Variants in ATG7 observed in about 807,000 individuals in gnomAD.
The protein encoded by ATG7 is ubiquitin-like modifier-activating enzyme ATG7.
Under a neutral mutation model 82.4 loss-of-function variants are expected in ATG7, and 70 were observed. The ratio of observed to expected loss-of-function variants is 0.85; its 90% CI spans 0.70 to 1.04. ATG7 has a LOEUF of 1.04. ATG7 is among the 50% of genes least tolerant of loss of function. The pLI, the probability that ATG7 is intolerant of heterozygous loss-of-function variation, is 0.00. For synonymous variants in ATG7, 287 were observed against 313.0 expected, an observed-to-expected ratio of 0.92 and a Z score of 0.88; for missense variants, 792 against 864.3, an observed-to-expected ratio of 0.92 and a Z score of 1.05.
At position 11,367,986 on chromosome 3, in the gene ATG7, T is replaced by C. The variant is rs543773370; in HGVS notation, c.1875+3252T>C. On this transcript the variant is annotated intron_variant, in intron 18 of 20. Transcript: ENST00000693202. The stretch of plus-strand genomic sequence containing the variant: ...AGCACACAGATCAGAACAAAGTAAC[T>C]ATCAAGCACCTTCAATGCCCCCCTC... Among the ~76,000 whole-genome samples, 19 of 152,114 alleles carry C rather than the reference T, an allele frequency of 1.2e-4. No homozygotes were observed. The South Asian group carries it at 3.5e-3, about 28-fold the overall frequency.
chr3:11,493,348 C>G (rs560459331), intron 20 of ATG7, among the ~76,000 whole-genome samples: 98 of 152,258 alleles, frequency 6.4e-4, no homozygotes, highest in Non-Finnish European at 1.2e-3. Flanking sequence ...CCAGCTGAGC[C>G]TGGAGTCTTT....
intron 20 of ATG7, among the ~76,000 whole-genome samples, chr3:11,548,863 T>A (rs993735720): frequency 6.6e-6 from 1 of 152,190 alleles, no homozygotes; most frequent in Non-Finnish European, 1.5e-5. Context: ...TGGAGGTGTG[T>A]CTTCAGGACA....
At position 11,349,939 on chromosome 3, in the gene ATG7, T is replaced by C. The variant is rs537489935; in HGVS notation, c.1284+1904T>C. Among the ~76,000 whole-genome samples the C allele has an allele frequency of 3.9e-5, 6 of 152,358 alleles. No homozygotes were observed. The East Asian group carries it at 9.6e-4, about 24-fold the overall frequency. ...ATTTAAAATCTTGACAGTTTTCTTT[T>C]TTTAAGGTCAACCAGCAAATGATAT... On this transcript the variant is annotated intron_variant, in intron 14 of 20. Transcript: ENST00000693202.
At chr3:11,389,929 C>T (rs1046638057) in intron 19 of ATG7, among the ~76,000 whole-genome samples, 3 of 152,150 alleles carry the variant, frequency 2.0e-5, no homozygotes, top group Admixed American at 1.3e-4. Context: ...GTGTTATGTG[C>T]GAAGGCCTGG....
intron 19 of ATG7, among the ~76,000 whole-genome samples, chr3:11,404,091 G>A (rs1251404176): frequency 1.5e-5 from 2 of 135,980 alleles, no homozygotes; most frequent in African/African-American, 5.4e-5. Flanking sequence ...TAAACATTTT[G>A]ATTTTTATAA....
At chr3:11,516,868 A>G (rs1238801600) in intron 20 of ATG7, among the ~76,000 whole-genome samples, 1 of 152,144 alleles carries the variant, frequency 6.6e-6, no homozygotes, top group Non-Finnish European at 1.5e-5. Flanking sequence ...GGATCACTTG[A>G]GGTCAGGAAT....
intron 19 of ATG7, among the ~76,000 whole-genome samples, chr3:11,405,632 ATTTTTATTT>A (rs2080256799): frequency 6.6e-6 from 1 of 151,366 alleles, no homozygotes; most frequent in East Asian, 1.9e-4. Flanking sequence ...TTTTTTTATT[ATTTTTATTT>A]TTGAGACAGG....
At chr3:11,312,061 T>C (rs143989663) in intron 7 of ATG7, among the ~76,000 whole-genome samples, 211 of 151,850 alleles carry the variant, frequency 1.4e-3, no homozygotes, top group African/African-American at 4.8e-3. Context: ...AGATTTCTTT[T>C]TGGAGTGATG....
intron 16 of ATG7, among the ~76,000 whole-genome samples, chr3:11,362,336 T>C (rs1487262442): frequency 6.6e-6 from 1 of 152,160 alleles, no homozygotes; most frequent in South Asian, 2.1e-4. Flanking sequence ...GAGAGGCACA[T>C]AGGAACTGAG....
chr3:11,387,058 C>T (rs2078375423), intron 19 of ATG7, among the ~76,000 whole-genome samples: 1 of 152,216 alleles, frequency 6.6e-6, no homozygotes, highest in African/African-American at 2.4e-5. Flanking sequence ...TGGCCAAGTA[C>T]CAAGGCCTTT....
At chr3:11,528,891 G>A (rs2092640158) in intron 20 of ATG7, among the ~76,000 whole-genome samples, 1 of 151,270 alleles carries the variant, frequency 6.6e-6, no homozygotes, top group Non-Finnish European at 1.5e-5. Context: ...CAGGGACACA[G>A]CAGAAGATAA....
At chr3:11,458,383 C>CCT (rs2085959204) in intron 20 of ATG7, among the ~76,000 whole-genome samples, 3 of 152,094 alleles carry the variant, frequency 2.0e-5, no homozygotes, top group African/African-American at 7.2e-5. Context: ...CCTGCCTCAG[C>CCT]CTCCTGAGTA....
Position 11,332,534 on chromosome 3 carries a change from A to C in ATG7, c.768-438A>C, listed in dbSNP as rs1470757097. 5.9e-5 allele frequency among the ~76,000 whole-genome samples: 9 copies of C among 152,330 alleles called. No individual in the cohort carries two copies. In the East Asian group the frequency reaches 1.5e-3, roughly 26 times the overall value. On this transcript the variant is annotated intron_variant, in intron 10 of 20. Transcript: ENST00000693202. Reference sequence around the variant, plus strand: ...ACAATCTACAATTATCCAGGTGGTAAGTCTACACAGTGCAAATGGGCTTCC... The same window carrying C: ...ACAATCTACAATTATCCAGGTGGTACGTCTACACAGTGCAAATGGGCTTCC...
intron 20 of ATG7, among the ~76,000 whole-genome samples, chr3:11,518,657 T>C (rs1050993229): frequency 1.3e-5 from 2 of 152,170 alleles, no homozygotes; most frequent in Admixed American, 1.3e-4. Context: ...GAGATGGAGA[T>C]GGACATCTGG....
intron 20 of ATG7, among the ~76,000 whole-genome samples, chr3:11,502,181 A>T (rs1428074011): frequency 1.3e-5 from 2 of 151,972 alleles, no homozygotes; most frequent in East Asian, 3.8e-4. Context: ...TCCTGAAAAG[A>T]TGGACAAGAA....
Position 11,333,048 on chromosome 3 carries a change from A to G in ATG7, c.844A>G (p.Ser282Gly). Residue 282 changes from serine to glycine, a missense_variant, in exon 11 of 21, where the codon AGC becomes GGC. Ser to Gly is a moderately conservative substitution (Grantham distance 56, BLOSUM62 0). Transcript: ENST00000693202. ...TMQGARDVAH[S>G]IIFEVKLPEM... ...GCAGGGGGCGAGAGACGTTGCCCAC[A>G]GCATCATCTTCGAAGTGAAGCTTCC... 6.4e-7 allele frequency: 1 copy of G among 1,569,136 alleles called. No individual in the cohort carries two copies. Among genetic ancestry groups the G allele is most frequent in the Non-Finnish European group, 8.6e-7 (1 of 1,157,670 alleles).
intron 19 of ATG7, among the ~76,000 whole-genome samples, chr3:11,382,316 C>T (rs2077968564): frequency 6.6e-6 from 1 of 152,220 alleles, no homozygotes; most frequent in Non-Finnish European, 1.5e-5. Context: ...CGCACGCACG[C>T]GAGCGAGAGC....
At position 11,339,283 on chromosome 3, in the gene ATG7, G is replaced by A. The variant is rs1186473094; in HGVS notation, c.890-1362G>A. Among the ~76,000 whole-genome samples the A allele has an allele frequency of 4.7e-5, 6 of 127,576 alleles. No individual in the cohort carries two copies. The East Asian group carries it at 7.2e-4, about 15-fold the overall frequency. The allele number at this position is 127,576 out of a possible 152,430, so 83.7% of individuals were successfully genotyped here. A position where few individuals can be genotyped will look rare whatever the true frequency, so the allele number is the denominator to read the frequency against. ...TGCACTCCAGCCTGGGCGACAGAGCGAGACTCTGTTTCAAAAAAAAAAAAA... is the reference window on the plus strand; with the variant it reads ...TGCACTCCAGCCTGGGCGACAGAGCAAGACTCTGTTTCAAAAAAAAAAAAA... On this transcript the variant is annotated intron_variant, in intron 11 of 20. Transcript: ENST00000693202.
chr3:11,330,105 A>G (rs757447484), intron 9 of ATG7, among the ~76,000 whole-genome samples: 10 of 152,178 alleles, frequency 6.6e-5, no homozygotes, highest in Non-Finnish European at 1.2e-4. Context: ...TGAGTGAAGT[A>G]CCCTTATCAC....
Sources: gnomAD v4.1 joint callset for allele counts (sites outside exome capture counted in the v4.1 genomes callset) on GRCh38, gnomAD v4.1.1 for gene constraint, MANE v1.5 for transcripts, NCBI Gene and HGNC (gene_info 2026-07-23, HGNC 2026-07-21) for gene names.